The following RAC1 variants were observed in gnomAD, a reference collection of about 807,000 sequenced individuals.
RAC1 encodes the protein Rac family small GTPase 1, also known as ras-related C3 botulinum toxin substrate 1.
In RAC1, 2 loss-of-function variants were observed where a neutral mutation model predicts 25.2. The observed-to-expected ratio is 0.08, with a 90% confidence interval of 0.03 to 0.25. The LOEUF is 0.25. RAC1 is among the 10% of genes least tolerant of loss of function. RAC1 has a pLI of 1.00. For synonymous variants in RAC1, 88 were observed against 94.0 expected (o/e 0.94, Z 0.37); for missense variants, 50 against 235.7 (o/e 0.21, Z 5.16).
At chr7:6,375,829 C>T (rs1470113828) in intron 1 of RAC1, 2 of 152,016 alleles carry the variant, frequency 1.3e-5, no homozygotes, top group East Asian at 3.9e-4. Context: ...GAAGACAAAA[C>T]TTGTCTTATG....
At chr7:6,394,206 C>G (rs1783163526) in intron 3 of RAC1, among the ~76,000 whole-genome samples, 1 of 152,204 alleles carries the variant, frequency 6.6e-6, no homozygotes, top group South Asian at 2.1e-4. Flanking sequence ...GGCATCCTCT[C>G]TATTGGGCAG....
chr7:6,374,819 A>AG, intron 1 of RAC1, 49 bp downstream of exon 1: 1 of 1,088,616 alleles, frequency 9.2e-7, no homozygotes, highest in Non-Finnish European at 1.1e-6. Flanking sequence ...TCGGGCGCGG[A>AG]GGGGGGTTGG....
chr7:6,384,026 C>A (rs538257674), intron 1 of RAC1, among the ~76,000 whole-genome samples: 1 of 151,914 alleles, frequency 6.6e-6, no homozygotes, highest in South Asian at 2.1e-4. Context: ...AATTCCTGAC[C>A]TCAGGTGATC....
intron 1 of RAC1, among the ~76,000 whole-genome samples, chr7:6,375,131 A>T (rs35588250): frequency 0.19 from 29,160 of 151,220 alleles, 3,107 homozygotes; most frequent in Non-Finnish European, 0.24. Context: ...GGGACCCTTT[A>T]TTTTTTTTGC....
intron 3 of RAC1, chr7:6,398,864 A>G (rs1366561292): frequency 1.7e-5 from 13 of 769,558 alleles, no homozygotes; most frequent in Middle Eastern, 2.4e-4. Context: ...GCTTGATGAA[A>G]TAAACTTCAT....
intron 1 of RAC1, among the ~76,000 whole-genome samples, chr7:6,377,291 A>G (rs921328450): frequency 5.3e-5 from 8 of 151,764 alleles, no homozygotes; most frequent in African/African-American, 1.9e-4. Context: ...CAGCTAAGTG[A>G]TATTAGAAGT....
In RAC1 at chr7:6,402,305, G is replaced by C. The variant is rs371518844; in HGVS notation, c.449-11G>C. ...CGAGTGTACATTGCCGTGTGGTCGT[G>C]TTTCCTGTAGGTGCTGTAAAATACC... On this transcript the variant is annotated splice_polypyrimidine_tract_variant and intron_variant, in intron 5 of 5. Transcript: ENST00000348035. 147 of 1,599,662 alleles carry C rather than the reference G, an allele frequency of 9.2e-5. No individual in the cohort carries two copies. The highest frequency in any genetic ancestry group is 1.2e-4 in the Non-Finnish European group (136 of 1,173,274).
chr7:6,387,389 A>C (rs1239627599), intron 2 of RAC1, 106 bp downstream of exon 2: 1 of 802,628 alleles, frequency 1.2e-6, no homozygotes, highest in Non-Finnish European at 2.0e-6. Flanking sequence ...ATGAACAGAT[A>C]CTAATTTTTT....
rs1190139511 is a variant in RAC1, at chr7:6,403,293, A to G, written c.*847A>G. ...TGATGAAAGAAAGGTTGGTATTATC[A>G]GGAAATGTTTTCTTAAGCTTTTCCT... On this transcript the variant is annotated 3_prime_UTR_variant, in exon 6 of 6. Transcript: ENST00000348035. 3.3e-5 allele frequency: 7 copies of G among 212,296 alleles called. No homozygotes were observed. Among genetic ancestry groups the G allele is most frequent in the Middle Eastern group, 1.5e-3 (1 of 664 alleles). 13.2% of individuals were successfully genotyped at this position (212,296 alleles called of 1,614,324 possible).
intron 1 of RAC1, among the ~76,000 whole-genome samples, chr7:6,375,648 C>G (rs1782561414): frequency 2.0e-5 from 3 of 151,660 alleles, no homozygotes; most frequent in Admixed American, 6.6e-5. Flanking sequence ...TAATGGGGGA[C>G]TGTTTTTTCT....
chr7:6,390,607 AT>A lies in RAC1; in HGVS notation c.108-1316del, dbSNP rs200434078. ...AGTGAGATTCTGTCTCAAAAAAAAA[AT>A]AATAATAATAATGATAATACCACCT... On this transcript the variant is annotated intron_variant, in intron 2 of 5. Transcript: ENST00000348035. Among the ~76,000 whole-genome samples the A allele has an allele frequency of 3.0e-3, 433 of 145,234 alleles. 3 individuals are homozygous for A. Among genetic ancestry groups the A allele is most frequent in the African/African-American group, 8.2e-3 (330 of 40,368 alleles).
chr7:6,403,197 T>C lies in RAC1; in HGVS notation c.*751T>C, dbSNP rs1783469102. The C allele has an allele frequency of 4.5e-6, 1 of 222,148 alleles. No homozygotes were observed. The highest frequency in any genetic ancestry group is 2.2e-5 in the African/African-American group (1 of 44,718). The allele number at this position is 222,148 out of a possible 1,614,324, so 13.8% of individuals were successfully genotyped here. On this transcript the variant is annotated 3_prime_UTR_variant, in exon 6 of 6. Transcript: ENST00000348035. ...CAAAATACGAAGTGGAGATTTACAC[T>C]ACATTGTACAAGGAATGAAAGTGTC...
At chr7:6,386,032 C>A (rs1440183773) in intron 1 of RAC1, among the ~76,000 whole-genome samples, 2 of 152,178 alleles carry the variant, frequency 1.3e-5, no homozygotes, top group Non-Finnish European at 2.9e-5. Flanking sequence ...TCTTGAAAAA[C>A]ATTCCAGGTG....
At chr7:6,398,701 A>C (rs1783315429) in intron 3 of RAC1, 10 of 1,613,922 alleles carry the variant, frequency 6.2e-6, no homozygotes, top group Non-Finnish European at 8.5e-6. Context: ...CTCCCGGGGC[A>C]AAGACAAGCC....
At chr7:6,384,848 A>T (rs887912631) in intron 1 of RAC1, among the ~76,000 whole-genome samples, 1 of 152,030 alleles carries the variant, frequency 6.6e-6, no homozygotes, top group Non-Finnish European at 1.5e-5. Context: ...TGTCCCTCAG[A>T]CTGGATGCAC....
chr7:6,390,351 C>T (rs1181635877), intron 2 of RAC1, among the ~76,000 whole-genome samples: 1 of 151,788 alleles, frequency 6.6e-6, no homozygotes, highest in South Asian at 2.1e-4. Flanking sequence ...CCTGTAATTC[C>T]AGCACTTTGG....
chr7:6,387,553 A>T (rs1393813335), intron 2 of RAC1, among the ~76,000 whole-genome samples: 2 of 152,018 alleles, frequency 1.3e-5, no homozygotes, highest in African/African-American at 4.8e-5. Flanking sequence ...ATGAAACCCC[A>T]TCTCTACTAA....
At chr7:6,398,551 C>A in intron 3 of RAC1, 1 of 856,290 alleles carries the variant, frequency 1.2e-6, no homozygotes. Context: ...GCTTTTGGAT[C>A]TCTCCGGAGG....
chr7:6,385,495 T>C (rs1028183208), intron 1 of RAC1, among the ~76,000 whole-genome samples: 1 of 152,222 alleles, frequency 6.6e-6, no homozygotes, highest in Non-Finnish European at 1.5e-5. Flanking sequence ...AAGCTTAGGC[T>C]CCTGCTCATA....
Sources: allele counts gnomAD v4.1 joint callset (sites outside exome capture counted in the v4.1 genomes callset), GRCh38; gene constraint gnomAD v4.1.1; transcripts MANE v1.5; gene names NCBI Gene and HGNC (gene_info 2026-07-23, HGNC 2026-07-21).